The following PI4K2A variants were observed in gnomAD, a reference collection of about 807,000 sequenced individuals.
PI4K2A encodes the protein phosphatidylinositol 4-kinase type 2 alpha.
A neutral mutation model predicts 55.0 loss-of-function variants in PI4K2A; 20 were observed. The ratio of observed to expected loss-of-function variants is 0.36; its 90% CI spans 0.26 to 0.53. PI4K2A has a LOEUF of 0.53. Ranked by LOEUF, PI4K2A falls within the 20% of genes least tolerant of loss-of-function variation. The probability of loss-of-function intolerance (pLI) is 0.91; values close to 1 mark genes in which losing one functional copy is unlikely to be tolerated. For missense variants in PI4K2A, 463 were observed against 637.1 expected, an observed-to-expected ratio of 0.73 and a Z score of 2.94; for synonymous variants, 235 against 258.5, an observed-to-expected ratio of 0.91 and a Z score of 0.87.
chr10:97,652,491 A>G (rs1428725987), intron 2 of PI4K2A, among the ~76,000 whole-genome samples: 3 of 151,406 alleles, frequency 2.0e-5, no homozygotes, highest in Admixed American at 1.3e-4. Flanking sequence ...TGTAGAGACA[A>G]GGTCTCCCTG....
chr10:97,653,064 T>C (rs1182450985), intron 2 of PI4K2A, among the ~76,000 whole-genome samples: 1 of 152,234 alleles, frequency 6.6e-6, no homozygotes, highest in Non-Finnish European at 1.5e-5. Flanking sequence ...GCTTTGAACA[T>C]CTTGTATGAT....
chr10:97,640,742 G>T (rs754852185), exon 1 of PI4K2A: 225 of 1,501,536 alleles, frequency 1.5e-4, no homozygotes, highest in Non-Finnish European at 2.0e-4. Flanking sequence ...CTGTCTGAGG[G>T]ATGGACGAGA....
In PI4K2A at chr10:97,656,515, G is replaced by T; in HGVS notation, c.768+99G>T. Reference sequence around the variant, plus strand: ...GCCTACAACTCAAATATGGGCACGTGAATAACCTGCCCTGAGGATCCTGTC... The same window carrying T: ...GCCTACAACTCAAATATGGGCACGTTAATAACCTGCCCTGAGGATCCTGTC... On this transcript the variant is annotated intron_variant, in intron 3 of 8. Transcript: ENST00000370631. The surrounding 1 kb of genome is among the most constrained non-coding windows in gnomAD (Gnocchi z 4.5). 4 of 1,124,616 alleles carry T rather than the reference G, an allele frequency of 3.6e-6. No homozygotes were observed. Among genetic ancestry groups the T allele is most frequent in the South Asian group, 1.4e-5 (1 of 72,816 alleles). 69.7% of individuals were successfully genotyped at this position (1,124,616 alleles called of 1,614,324 possible).
intron 8 of PI4K2A, 74 bp from the exon 9 acceptor site, chr10:97,673,507 T>C: frequency 7.7e-7 from 1 of 1,298,178 alleles, no homozygotes; most frequent in Non-Finnish European, 1.1e-6. Context: ...GCGTCCTCTC[T>C]ACTGATCTCC....
At chr10:97,663,171 C>T (rs1428407342) in intron 5 of PI4K2A, among the ~76,000 whole-genome samples, 1 of 152,194 alleles carries the variant, frequency 6.6e-6, no homozygotes, top group Non-Finnish European at 1.5e-5. Flanking sequence ...ATAGGAATAG[C>T]ATGAAGAAAG....
chr10:97,666,185 A>T (rs893412213), intron 6 of PI4K2A, among the ~76,000 whole-genome samples: 1 of 152,186 alleles, frequency 6.6e-6, no homozygotes, highest in Admixed American at 6.6e-5. Context: ...AGTTGCTTCT[A>T]GACCTTGCAT....
chr10:97,663,135 C>T (rs1056628254), intron 5 of PI4K2A, among the ~76,000 whole-genome samples, 167 bp downstream of exon 5: 3 of 152,108 alleles, frequency 2.0e-5, no homozygotes, highest in African/African-American at 2.4e-5. Flanking sequence ...ATATGTGTTT[C>T]AAGGACATCC....
chr10:97,656,668 G>A lies in PI4K2A; in HGVS notation c.769-153G>A, dbSNP rs2041556502. Among the ~76,000 whole-genome samples, 1 of 152,102 alleles carries A rather than the reference G, an allele frequency of 6.6e-6. No individual in the cohort carries two copies. The highest frequency in any genetic ancestry group is 1.5e-5 in the Non-Finnish European group (1 of 68,010). ...ATCACTGTTACATCTCTTTTCTCCTGTACTTGCAAGAAATGAGGAAGTAAA... is the reference window on the plus strand; with the variant it reads ...ATCACTGTTACATCTCTTTTCTCCTATACTTGCAAGAAATGAGGAAGTAAA... On this transcript the variant is annotated intron_variant, in intron 3 of 8. Transcript: ENST00000370631. This position sits in a 1 kb window ranked among gnomAD's most constrained non-coding sequence, Gnocchi z 4.5.
intron 7 of PI4K2A, among the ~76,000 whole-genome samples, chr10:97,666,794 T>C (rs2041611926): frequency 6.6e-6 from 1 of 152,206 alleles, no homozygotes; most frequent in African/African-American, 2.4e-5. Flanking sequence ...GTCTCTCCTG[T>C]CCATCATGTG....
exon 1 of PI4K2A, chr10:97,641,105 C>T (rs1427364383): frequency 6.2e-7 from 1 of 1,609,282 alleles, no homozygotes; most frequent in Non-Finnish European, 8.5e-7. Context: ...AGCTGGCCAT[C>T]GAGCGCTGCA....
At chr10:97,644,016 C>A (rs2041492153) in intron 1 of PI4K2A, among the ~76,000 whole-genome samples, 1 of 152,114 alleles carries the variant, frequency 6.6e-6, no homozygotes, top group Admixed American at 6.6e-5. Context: ...AGTTCATGTT[C>A]TCACCACTAT....
At chr10:97,649,521 T>C (rs1470934531) in intron 1 of PI4K2A, among the ~76,000 whole-genome samples, 1 of 151,964 alleles carries the variant, frequency 6.6e-6, no homozygotes, top group Non-Finnish European at 1.5e-5. Flanking sequence ...TTTTTCCTGC[T>C]GTGATTTTTC....
intron 6 of PI4K2A, 66 bp downstream of exon 6, chr10:97,665,050 G>A: frequency 1.0e-6 from 1 of 959,490 alleles, no homozygotes; most frequent in South Asian, 1.4e-5. Context: ...CTGTGCAGTG[G>A]AGATGATAAT....
intron 1 of PI4K2A, among the ~76,000 whole-genome samples, chr10:97,647,326 A>G (rs943712437): frequency 4.0e-5 from 6 of 151,750 alleles, no homozygotes; most frequent in African/African-American, 9.7e-5. Context: ...CTATTAAGAG[A>G]AAAAAAACAC....
intron 1 of PI4K2A, among the ~76,000 whole-genome samples, chr10:97,643,252 G>T (rs562847408): frequency 1.3e-5 from 2 of 152,216 alleles, no homozygotes; most frequent in South Asian, 4.1e-4. Flanking sequence ...GCCTCCCAAA[G>T]TGCTGGGATT....
intron 5 of PI4K2A, among the ~76,000 whole-genome samples, chr10:97,664,525 T>G (rs889573359): frequency 1.3e-5 from 2 of 152,198 alleles, no homozygotes; most frequent in East Asian, 3.8e-4. Flanking sequence ...CCAACTGATA[T>G]GGATTTTATT....
In PI4K2A at chr10:97,656,527, C is replaced by CATATT; in HGVS notation, c.768+111_768+112insATATT. 2 of 1,016,308 alleles carry CATATT rather than the reference C, an allele frequency of 2.0e-6. No individual in the cohort carries two copies. Among genetic ancestry groups the CATATT allele is most frequent in the Non-Finnish European group, 1.5e-6 (1 of 681,058 alleles). 63.0% of individuals were successfully genotyped at this position (1,016,308 alleles called of 1,614,324 possible). On this transcript the variant is annotated intron_variant, in intron 3 of 8. Coordinates refer to ENST00000370631, the Ensembl canonical transcript of PI4K2A. The surrounding 1 kb of genome is among the most constrained non-coding windows in gnomAD (Gnocchi z 4.5). ...AATATGGGCACGTGAATAACCTGCC[C>CATATT]TGAGGATCCTGTCTTCCTTATTTCT...
At chr10:97,655,560 G>C (rs1277150665) in intron 2 of PI4K2A, among the ~76,000 whole-genome samples, 1 of 151,596 alleles carries the variant, frequency 6.6e-6, no homozygotes, top group African/African-American at 2.4e-5. Flanking sequence ...AATACAATTG[G>C]ATTGTATTTC....
At chr10:97,666,717 T>C in intron 7 of PI4K2A, 146 bp downstream of exon 7, 2 of 701,792 alleles carry the variant, frequency 2.8e-6, no homozygotes, top group Non-Finnish European at 4.7e-6. Flanking sequence ...TTTCCACATG[T>C]GGACAGCAGG....
Sources: allele counts gnomAD v4.1 joint callset (sites outside exome capture counted in the v4.1 genomes callset), GRCh38; gene constraint gnomAD v4.1.1; non-coding constraint Gnocchi (gnomAD v3.1); transcripts MANE v1.5; gene names NCBI Gene and HGNC (gene_info 2026-07-23, HGNC 2026-07-21).